The following AGPS variants were observed in gnomAD, a reference collection of about 807,000 sequenced individuals.
The protein encoded by AGPS is alkylglycerone phosphate synthase.
In AGPS, 26 loss-of-function variants were observed where a neutral mutation model predicts 90.7. The ratio of observed to expected loss-of-function variants is 0.29; its 90% confidence interval spans 0.21 to 0.40. The LOEUF (loss-of-function observed/expected upper bound fraction) is 0.40. AGPS is among the 10% of genes least tolerant of loss of function. The pLI, the probability that AGPS is intolerant of heterozygous loss-of-function variation, is 1.00. For synonymous variants in AGPS, 294 were observed against 285.3 expected (o/e 1.03, Z -0.31); for missense variants, 540 against 816.1 (o/e 0.66, Z 4.12).
At chr2:177,520,014 A>G (rs1434256700) in intron 17 of AGPS, among the ~76,000 whole-genome samples, 4 of 152,196 alleles carry the variant, frequency 2.6e-5, no homozygotes, top group Non-Finnish European at 5.9e-5. Context: ...TTGCCTTGGC[A>G]TTTGTAAACT....
rs114901772 is a variant in AGPS at position 177,393,111 on chromosome 2, A to C, written c.260+62A>C. 3.5e-3 allele frequency: 5,414 copies of C among 1,549,908 alleles called. 149 individuals carry two copies. The African/African-American group carries it at 0.063, about 18-fold the overall frequency. ...GACCAGGCCGGGCCTGTGCTGCAGGAGGGCACAGGCGAGGTGGGAAGGGAA... is the reference window on the plus strand; with the variant it reads ...GACCAGGCCGGGCCTGTGCTGCAGGCGGGCACAGGCGAGGTGGGAAGGGAA... On this transcript the variant is annotated intron_variant, in intron 1 of 19. Coordinates refer to ENST00000264167, the MANE Select transcript of AGPS (RefSeq NM_003659.4).
intron 13 of AGPS, 68 bp from the exon 14 acceptor site, chr2:177,499,550 A>C (rs1192466254): frequency 9.2e-7 from 1 of 1,086,976 alleles, no homozygotes; most frequent in African/African-American, 1.6e-5. Context: ...AAAGAGCAAA[A>C]TGTATTTTGA....
intron 5 of AGPS, 107 bp downstream of exon 5, chr2:177,437,161 T>C: frequency 9.4e-7 from 1 of 1,063,034 alleles, no homozygotes; most frequent in Non-Finnish European, 1.4e-6. Context: ...AAAATATAAA[T>C]TGCTGTATTT....
chr2:177,487,944 A>G (rs534161737), intron 11 of AGPS, among the ~76,000 whole-genome samples: 1 of 152,256 alleles, frequency 6.6e-6, no homozygotes, highest in South Asian at 2.1e-4. Context: ...ACTCCCTATT[A>G]TGTATTATTT....
chr2:177,452,129 G>A (rs1686970235), intron 8 of AGPS, among the ~76,000 whole-genome samples: 1 of 152,126 alleles, frequency 6.6e-6, no homozygotes, highest in Non-Finnish European at 1.5e-5. Flanking sequence ...AATGTTCCAT[G>A]TGCACTTGCA....
At chr2:177,529,142 C>G (rs2079115221) in intron 19 of AGPS, among the ~76,000 whole-genome samples, 1 of 152,088 alleles carries the variant, frequency 6.6e-6, no homozygotes, top group African/African-American at 2.4e-5. Context: ...CAGGCATGAG[C>G]CACCACTCCC....
chr2:177,537,672 C>T (rs1226640029), intron 19 of AGPS, among the ~76,000 whole-genome samples: 2 of 152,136 alleles, frequency 1.3e-5, no homozygotes, highest in East Asian at 3.8e-4. Context: ...ATTTACCCAA[C>T]AAATTCGTCT....
intron 1 of AGPS, among the ~76,000 whole-genome samples, chr2:177,398,119 C>T (rs1283085707): frequency 6.6e-6 from 1 of 152,172 alleles, no homozygotes; most frequent in Non-Finnish European, 1.5e-5. Flanking sequence ...GCTGAGTTAA[C>T]CTCTTGTAAA....
At chr2:177,478,735 T>C (rs1256799941) in intron 10 of AGPS, among the ~76,000 whole-genome samples, 5 of 152,108 alleles carry the variant, frequency 3.3e-5, no homozygotes, top group Non-Finnish European at 5.9e-5. Context: ...TGTGACATTG[T>C]CATCAGAATA....
intron 1 of AGPS, among the ~76,000 whole-genome samples, chr2:177,406,228 C>T (rs563038552): frequency 3.9e-5 from 6 of 152,164 alleles, no homozygotes; most frequent in African/African-American, 7.2e-5. Context: ...TTTTGTTTCC[C>T]GCCTTTAAAT....
intron 10 of AGPS, among the ~76,000 whole-genome samples, chr2:177,479,284 G>T (rs535178072): frequency 1.1e-4 from 16 of 152,290 alleles, no homozygotes; most frequent in African/African-American, 3.8e-4. Flanking sequence ...TTGTCCCACA[G>T]TTGGGGCCCG....
chr2:177,514,279 C>T (rs1383619077), intron 17 of AGPS, among the ~76,000 whole-genome samples: 3 of 152,074 alleles, frequency 2.0e-5, no homozygotes, highest in Non-Finnish European at 2.9e-5. Flanking sequence ...AGAGTGAAGG[C>T]AGTGTTTTGT....
At chr2:177,514,412 C>A (rs1688968244) in intron 17 of AGPS, among the ~76,000 whole-genome samples, 2 of 152,106 alleles carry the variant, frequency 1.3e-5, no homozygotes, top group Admixed American at 6.6e-5. Flanking sequence ...CTGTTAGGTT[C>A]TGCTGTAGTA....
At position 177,441,053 on chromosome 2, in the gene AGPS, T is replaced by C; in HGVS notation, c.709+17T>C. On this transcript the variant is annotated intron_variant, in intron 6 of 19. Transcript: ENST00000264167. Reference sequence around the variant, plus strand: ...CAATTGGTGGTAGGTATTGTGCCTTTTGAATTTTAATATGTAAATTTGTTC... The same window carrying C: ...CAATTGGTGGTAGGTATTGTGCCTTCTGAATTTTAATATGTAAATTTGTTC... The C allele has an allele frequency of 6.3e-7, 1 of 1,588,390 alleles. No individual in the cohort carries two copies. The highest frequency in any genetic ancestry group is 1.3e-5 in the African/African-American group (1 of 74,532).
chr2:177,479,879 C>A (rs888289099), intron 10 of AGPS, among the ~76,000 whole-genome samples: 1 of 152,098 alleles, frequency 6.6e-6, no homozygotes, highest in Admixed American at 6.6e-5. Context: ...GTGAATATAA[C>A]GCAAAACATT....
rs375393673 is a variant in AGPS, at chr2:177,397,391, A to AT, written c.260+4346dup. ...TCTTTTGACTTTGCTTCTAAGTGCA[A>AT]TTTTAGATCCTTAAAAATCATAGTA... is the stretch of plus-strand genomic sequence containing the variant. On this transcript the variant is annotated intron_variant, in intron 1 of 19. Coordinates refer to ENST00000264167, the MANE Select transcript of AGPS (RefSeq NM_003659.4). 6.8e-3 allele frequency among the ~76,000 whole-genome samples: 1,031 copies of AT among 151,452 alleles called. 11 individuals are homozygous for AT. The highest frequency in any genetic ancestry group is 0.024 in the African/African-American group (979 of 41,306).
intron 17 of AGPS, among the ~76,000 whole-genome samples, chr2:177,517,110 CCTT>C (rs1313695925): frequency 2.0e-5 from 3 of 151,896 alleles, no homozygotes; most frequent in African/African-American, 4.8e-5. Context: ...TGCATTTGCT[CCTT>C]CTGTTAAATT....
rs2079171156 is a variant in AGPS at position 177,534,977 on chromosome 2, G to A, written c.1856-3097G>A. Among the ~76,000 whole-genome samples the A allele has an allele frequency of 2.0e-5, 3 of 151,938 alleles. No individual in the cohort carries two copies. The South Asian group carries it at 6.2e-4, about 32-fold the overall frequency. ...ACATCTAAATACTTAAGTACTTAAGGAATCATATATTTAGAATAATAGAGA... is the reference window on the plus strand; with the variant it reads ...ACATCTAAATACTTAAGTACTTAAGAAATCATATATTTAGAATAATAGAGA... On this transcript the variant is annotated intron_variant, in intron 19 of 19. Coordinates refer to ENST00000264167, the MANE Select transcript of AGPS (RefSeq NM_003659.4).
intron 2 of AGPS, among the ~76,000 whole-genome samples, chr2:177,431,581 T>C (rs550027397): frequency 3.3e-5 from 5 of 152,256 alleles, no homozygotes; most frequent in African/African-American, 1.2e-4. Flanking sequence ...AGCAGCTGTT[T>C]ATAGACGTCC....
Sources: gnomAD v4.1 joint callset for allele counts (sites outside exome capture counted in the v4.1 genomes callset) on GRCh38, gnomAD v4.1.1 for gene constraint, MANE v1.5 for transcripts, NCBI Gene and HGNC (gene_info 2026-07-23, HGNC 2026-07-21) for gene names.